Variants in NRG1 observed in about 807,000 individuals in gnomAD.
The protein encoded by NRG1 is neuregulin 1, also known as pro-neuregulin-1, membrane-bound isoform.
A neutral mutation model predicts 63.8 loss-of-function variants in NRG1; 18 were observed. The ratio of observed to expected loss-of-function variants is 0.28; its 90% confidence interval spans 0.19 to 0.42. NRG1 has a LOEUF of 0.42. Ranked by LOEUF, NRG1 falls within the 10% of genes least tolerant of loss-of-function variation. The probability of loss-of-function intolerance (pLI) is 1.00; values close to 1 mark genes in which losing one functional copy is unlikely to be tolerated. For missense variants in NRG1, 762 were observed against 814.7 expected (o/e 0.94, Z 0.79); for synonymous variants, 302 against 301.3 (o/e 1.00, Z -0.02).
At chr8:32,320,443 G>A (rs1801247613) in intron 1 of NRG1, among the ~76,000 whole-genome samples, 1 of 152,166 alleles carries the variant, frequency 6.6e-6, no homozygotes, top group African/African-American at 2.4e-5. Context: ...TTGGCTCGTG[G>A]TTCTACAAGT....
chr8:32,371,832 C>G (rs913235561), intron 1 of NRG1, among the ~76,000 whole-genome samples: 2 of 152,252 alleles, frequency 1.3e-5, no homozygotes, highest in South Asian at 4.2e-4. Context: ...CCAGCCCGCT[C>G]AGGCTGCCCC....
intron 1 of NRG1, among the ~76,000 whole-genome samples, chr8:32,412,132 ACTC>A (rs1815054448): frequency 6.6e-6 from 1 of 151,848 alleles, no homozygotes; most frequent in Admixed American, 6.6e-5. Context: ...AGAGGGAACT[ACTC>A]CTGTCTGACT....
At chr8:32,509,997 T>C (rs1442050579) in intron 1 of NRG1, among the ~76,000 whole-genome samples, 1 of 151,942 alleles carries the variant, frequency 6.6e-6, no homozygotes, top group Non-Finnish European at 1.5e-5. Flanking sequence ...TTTTGCTTGT[T>C]TTCCCCCTAA....
chr8:32,117,525 T>C (rs955162261), intron 1 of NRG1, among the ~76,000 whole-genome samples: 1 of 152,104 alleles, frequency 6.6e-6, no homozygotes, highest in Non-Finnish European at 1.5e-5. Flanking sequence ...ACTGGTTTCC[T>C]TTGTCTTTCT....
intron 1 of NRG1, among the ~76,000 whole-genome samples, chr8:31,731,676 A>G (rs1814086059): frequency 6.6e-6 from 1 of 152,206 alleles, no homozygotes; most frequent in African/African-American, 2.4e-5. Context: ...TGTACTAAAT[A>G]AATTTATAAT....
At chr8:31,884,792 A>T (rs1047811726) in intron 1 of NRG1, among the ~76,000 whole-genome samples, 6 of 151,396 alleles carry the variant, frequency 4.0e-5, no homozygotes, top group African/African-American at 1.5e-4. Context: ...TCCATTTGAC[A>T]TTTTTTTTTA....
At chr8:32,464,362 C>T (rs1400262492) in intron 1 of NRG1, among the ~76,000 whole-genome samples, 2 of 127,398 alleles carry the variant, frequency 1.6e-5, no homozygotes, top group African/African-American at 5.9e-5. Flanking sequence ...TTAAGTATCT[C>T]GCTCCTAGAT....
At chr8:31,943,985 T>C (rs1369933833) in intron 1 of NRG1, among the ~76,000 whole-genome samples, 3 of 152,204 alleles carry the variant, frequency 2.0e-5, no homozygotes, top group Non-Finnish European at 2.9e-5. Context: ...TTTATCAAAA[T>C]GGTACACATT....
chr8:32,490,410 C>T (rs190308853), intron 1 of NRG1, among the ~76,000 whole-genome samples: 3 of 152,146 alleles, frequency 2.0e-5, no homozygotes, highest in Admixed American at 1.3e-4. Flanking sequence ...TCTGATGTGC[C>T]CTCCAGTTTT....
chr8:31,956,943 A>T (rs1418560772), intron 1 of NRG1, among the ~76,000 whole-genome samples: 1 of 152,162 alleles, frequency 6.6e-6, no homozygotes, highest in Admixed American at 6.5e-5. Flanking sequence ...AATAGATGTG[A>T]ATTTTCATTA....
At chr8:32,510,835 A>G (rs759791978) in intron 1 of NRG1, among the ~76,000 whole-genome samples, 7 of 151,998 alleles carry the variant, frequency 4.6e-5, no homozygotes, top group Non-Finnish European at 1.0e-4. Flanking sequence ...TAGCAGTGCT[A>G]CCCAAAAAAG....
intron 5 of NRG1, among the ~76,000 whole-genome samples, chr8:32,726,277 C>T (rs754040402): frequency 1.3e-5 from 2 of 152,060 alleles, no homozygotes; most frequent in Non-Finnish European, 2.9e-5. Flanking sequence ...AAATTAAGAG[C>T]CTTCCCTGCT....
chr8:31,913,790 C>A (rs1035247325), intron 1 of NRG1, among the ~76,000 whole-genome samples: 3 of 152,118 alleles, frequency 2.0e-5, no homozygotes, highest in African/African-American at 7.2e-5. Context: ...TGGTCAGAAA[C>A]CCAGTTTGTG....
intron 1 of NRG1, among the ~76,000 whole-genome samples, chr8:32,499,768 G>A (rs1284564425): frequency 2.0e-5 from 3 of 152,282 alleles, no homozygotes; most frequent in African/African-American, 4.8e-5. Context: ...TGCATTTCCC[G>A]GAGTTTGAAG....
chr8:32,169,691 T>C (rs1432619050), intron 1 of NRG1, among the ~76,000 whole-genome samples: 1 of 152,202 alleles, frequency 6.6e-6, no homozygotes, highest in African/African-American at 2.4e-5. Context: ...AAGTTGGAAC[T>C]AAGAATGAAT....
rs374710037 is a variant in NRG1, at chr8:31,758,390, A to G, written c.37+118959A>G. Among the ~76,000 whole-genome samples the G allele has an allele frequency of 1.4e-3, 215 of 152,272 alleles. 2 individuals carry two copies. The highest frequency in any genetic ancestry group is 4.8e-3 in the African/African-American group (201 of 41,570). ...GTATATACCCAAAGGATTATAAATCATTCTCCTATAAAGACACATGCACAT... is the reference window on the plus strand; with the variant it reads ...GTATATACCCAAAGGATTATAAATCGTTCTCCTATAAAGACACATGCACAT... On this transcript the variant is annotated intron_variant, in intron 1 of 10. Transcript: ENST00000519301.
intron 5 of NRG1, among the ~76,000 whole-genome samples, chr8:32,617,597 C>G (rs1000047774): frequency 6.6e-6 from 1 of 152,198 alleles, no homozygotes; most frequent in Non-Finnish European, 1.5e-5. Context: ...TGATACTCAA[C>G]AGGGGAGTTT....
intron 1 of NRG1, among the ~76,000 whole-genome samples, chr8:31,721,232 A>G (rs1292517648): frequency 6.6e-6 from 1 of 152,132 alleles, no homozygotes; most frequent in African/African-American, 2.4e-5. Flanking sequence ...AAAAAATCTC[A>G]TAATTGCAAA....
intron 1 of NRG1, among the ~76,000 whole-genome samples, chr8:32,316,472 C>CAA (rs60206972): frequency 0.021 from 2,611 of 125,188 alleles, 77 homozygotes; most frequent in African/African-American, 0.068. Flanking sequence ...GAGACTCCAT[C>CAA]AAAAAAAAAA....
Sources: gnomAD v4.1 joint callset for allele counts (sites outside exome capture counted in the v4.1 genomes callset) on GRCh38, gnomAD v4.1.1 for gene constraint, MANE v1.5 for transcripts, NCBI Gene and HGNC (gene_info 2026-07-23, HGNC 2026-07-21) for gene names.